Variants in EVC observed in about 807,000 individuals in gnomAD.
The protein encoded by EVC is evC complex member EVC.
EVC carries 116 observed loss-of-function variants against 118.9 expected under a neutral mutation model. The observed-to-expected ratio is 0.98, with a 90% CI of 0.84 to 1.14. The LOEUF is 1.14. Among genes scored for constraint, EVC ranks in the 50% most tolerant of loss-of-function variants. The probability of loss-of-function intolerance (pLI) is 0.00; values close to 1 mark genes in which losing one functional copy is unlikely to be tolerated. For missense variants in EVC, 1,401 were observed against 1,246.4 expected (o/e 1.12, Z -1.87); for synonymous variants, 619 against 534.7 (o/e 1.16, Z -2.18).
the EVC span, chr4:5,825,434 G>A: frequency 6.7e-7 from 1 of 1,502,638 alleles, no homozygotes; most frequent in African/African-American, 1.4e-5. This position sits in a 1 kb window ranked among gnomAD's most constrained non-coding sequence, Gnocchi z 4.4. Flanking sequence ...AGAAGCAGCA[G>A]GAAGGACTCG....
chr4:5,819,116 T>C (rs147183155), downstream of EVC, among the ~76,000 whole-genome samples: 255 of 152,296 alleles, frequency 1.7e-3, 3 homozygotes, highest in African/African-American at 5.7e-3. Context: ...GAACCTTCAG[T>C]CCTACCTTAT....
chr4:5,770,920 G>A (rs1205598179), intron 11 of EVC, among the ~76,000 whole-genome samples: 1 of 151,966 alleles, frequency 6.6e-6, no homozygotes, highest in Non-Finnish European at 1.5e-5. Context: ...GGCTGAGGCA[G>A]GAGAATTGTT....
At chr4:5,712,246 A>G (rs1265036276) in intron 1 of EVC, among the ~76,000 whole-genome samples, 1 of 152,208 alleles carries the variant, frequency 6.6e-6, no homozygotes, top group Non-Finnish European at 1.5e-5. Flanking sequence ...CTCTCCCTAA[A>G]TGATCTCAAT....
At position 5,733,393 on chromosome 4, in the gene EVC, C is replaced by G. The variant is rs200294295; in HGVS notation, c.660C>G (p.Asp220Glu). The change falls in exon 5 of 21, where the codon GAC (aspartate) becomes GAG (glutamate). Residue 220 changes from aspartate to glutamate, a missense_variant. Physicochemically the swap from Asp to Glu is conservative, Grantham distance 45. Transcript: ENST00000264956. ...GTATCTACAGCCTTCACTTAAAAGA[C>G]CTGCTGCATTTGGACACGGCACTGA... ...DLCIYSLHLK[D>E]LLHLDTALRQ... The G allele has an allele frequency of 6.2e-7, 1 of 1,614,066 alleles. No individual in the cohort carries two copies. The highest frequency in any genetic ancestry group is 8.5e-7 in the Non-Finnish European group (1 of 1,179,972).
intron 2 of EVC, among the ~76,000 whole-genome samples, chr4:5,726,234 C>A (rs1406855669): frequency 1.3e-5 from 2 of 152,218 alleles, no homozygotes; most frequent in African/African-American, 4.8e-5. Context: ...GACACAGATG[C>A]AGTTTTCTTC....
Position 5,733,423 on chromosome 4 carries a change from G to A in EVC, c.690G>A (p.Gln230=), listed in dbSNP as rs563481672. 3.4e-5 allele frequency: 55 copies of A among 1,613,994 alleles called. No individual in the cohort carries two copies. The South Asian group carries it at 5.9e-4, about 17-fold the overall frequency. The change falls in exon 5 of 21, where the codon CAG becomes CAA. Residue 230 remains glutamine, a synonymous_variant. Transcript: ENST00000264956. ...TGCATTTGGACACGGCACTGAGGCA[G>A]GAAAAGCATATGGTAGGTGGAGATG... ...DLLHLDTALR[Q]EKHMMFIQIF...
chr4:5,725,752 C>A (rs768083350), intron 2 of EVC, among the ~76,000 whole-genome samples: 2 of 152,106 alleles, frequency 1.3e-5, no homozygotes, highest in African/African-American at 2.4e-5. Context: ...GCTTTTGTTG[C>A]GGTTGTTTTT....
intron 11 of EVC, among the ~76,000 whole-genome samples, chr4:5,773,327 G>C (rs1397777110): frequency 6.6e-6 from 1 of 152,080 alleles, no homozygotes; most frequent in Non-Finnish European, 1.5e-5. Context: ...GCAGTTAGCT[G>C]ATCTAGGCTG....
At position 5,756,124 on chromosome 4, in the gene EVC, C is replaced by G; in HGVS notation, c.1465-140C>G. The G allele has an allele frequency of 1.4e-6, 1 of 700,578 alleles. No individual in the cohort carries two copies. The highest frequency in any genetic ancestry group is 2.5e-6 in the Non-Finnish European group (1 of 398,274). 43.4% of individuals were successfully genotyped at this position (700,578 alleles called of 1,614,324 possible). ...TGAAAGCCATGTGACAGCCCCATGCCTCAGTTTCCTTGTGTGTAATACAGG... is the reference window on the plus strand; with the variant it reads ...TGAAAGCCATGTGACAGCCCCATGCGTCAGTTTCCTTGTGTGTAATACAGG... On this transcript the variant is annotated intron_variant, in intron 10 of 20. Transcript: ENST00000264956. This position sits in a 1 kb window ranked among gnomAD's most constrained non-coding sequence, Gnocchi z 4.2.
At position 5,742,874 on chromosome 4, in the gene EVC, G is replaced by A. The variant is rs1052132651; in HGVS notation, c.801+1060G>A. ...AAGGGAGAGCCAGTGGTGTTAGACA[G>A]TAGTGTTTTAGTGAATGGTGCCACT... On this transcript the variant is annotated intron_variant, in intron 6 of 20. Coordinates refer to ENST00000264956, the MANE Select transcript of EVC (RefSeq NM_153717.3). This position sits in a 1 kb window ranked among gnomAD's most constrained non-coding sequence, Gnocchi z 5.2. Among the ~76,000 whole-genome samples the A allele has an allele frequency of 6.6e-6, 1 of 152,226 alleles. No individual in the cohort carries two copies. The highest frequency in any genetic ancestry group is 1.5e-5 in the Non-Finnish European group (1 of 68,052).
intron 1 of EVC, among the ~76,000 whole-genome samples, chr4:5,718,148 TTATGTTC>T (rs1430172883): frequency 6.6e-6 from 1 of 152,208 alleles, no homozygotes; most frequent in Non-Finnish European, 1.5e-5. Flanking sequence ...TTCATGGTAG[TTATGTTC>T]TGTAAACTCA....
At chr4:5,736,329 A>G (rs866313730) in intron 5 of EVC, among the ~76,000 whole-genome samples, 11 of 152,174 alleles carry the variant, frequency 7.2e-5, no homozygotes, top group Admixed American at 2.6e-4. Context: ...GTGCATAAAG[A>G]TGGGTGAAAA....
Position 5,753,847 on chromosome 4 carries a change from G to C in EVC, c.1378G>C (p.Ala460Pro). The stretch of plus-strand genomic sequence containing the variant: ...TCTGGCTCACCAGGTGGAGGGAACG[G>C]CAAAACTCACGCTGGCCCAAGAGGA... ...ASLAHQVEGT[A>P]KLTLAQEEEQ... Residue 460 changes from alanine (A) to proline (P), a missense_variant, in exon 10 of 21, where the codon GCA becomes CCA. Coordinates refer to ENST00000264956, the MANE Select transcript of EVC (RefSeq NM_153717.3). 1 of 1,614,064 alleles carries C rather than the reference G, an allele frequency of 6.2e-7. No individual in the cohort carries two copies.
chr4:5,825,323 T>C, the EVC span: 1 of 985,062 alleles, frequency 1.0e-6, no homozygotes, highest in Non-Finnish European at 1.2e-6. This position sits in a 1 kb window ranked among gnomAD's most constrained non-coding sequence, Gnocchi z 4.4. Context: ...TTGGTGACCA[T>C]GCCAGCCCAC....
At position 5,742,832 on chromosome 4, in the gene EVC, C is replaced by T. The variant is rs115384273; in HGVS notation, c.801+1018C>T. Among the ~76,000 whole-genome samples the T allele has an allele frequency of 0.022, 3,318 of 152,264 alleles. 62 individuals are homozygous for T. Among genetic ancestry groups the T allele is most frequent in the Non-Finnish European group, 0.035 (2,375 of 68,028 alleles). On this transcript the variant is annotated intron_variant, in intron 6 of 20. Transcript: ENST00000264956. The surrounding 1 kb of genome is among the most constrained non-coding windows in gnomAD (Gnocchi z 5.2). Reference sequence around the variant, plus strand: ...TTTAGCCTGGGAGGGTACTTGGCTTCACCTAGGAAGGAATTCAAGGGAGAG... The same window carrying T: ...TTTAGCCTGGGAGGGTACTTGGCTTTACCTAGGAAGGAATTCAAGGGAGAG...
At chr4:5,775,499 C>T (rs1484498047) in intron 11 of EVC, among the ~76,000 whole-genome samples, 1 of 152,128 alleles carries the variant, frequency 6.6e-6, no homozygotes, top group Non-Finnish European at 1.5e-5. Flanking sequence ...TGTTGTGCAG[C>T]TTTGGCAGTT....
chr4:5,720,863 A>G (rs1434434561), intron 2 of EVC, among the ~76,000 whole-genome samples: 6 of 145,404 alleles, frequency 4.1e-5, no homozygotes, highest in Non-Finnish European at 9.1e-5. Flanking sequence ...GTAAGACATT[A>G]CTAGGCAGGA....
chr4:5,792,128 C>T (rs183831184), intron 12 of EVC, among the ~76,000 whole-genome samples: 14 of 152,164 alleles, frequency 9.2e-5, no homozygotes. Flanking sequence ...GGGAAGAATG[C>T]ACATTTCATA....
At chr4:5,734,973 C>T (rs889134205) in intron 5 of EVC, among the ~76,000 whole-genome samples, 1 of 152,150 alleles carries the variant, frequency 6.6e-6, no homozygotes, top group Non-Finnish European at 1.5e-5. Context: ...AGTTGGCAAG[C>T]AGAGTAGTCC....
Sources: gnomAD v4.1 joint callset for allele counts (sites outside exome capture counted in the v4.1 genomes callset) on GRCh38, gnomAD v4.1.1 for gene constraint, Gnocchi (gnomAD v3.1) non-coding constraint, MANE v1.5 for transcripts, NCBI Gene and HGNC (gene_info 2026-07-23, HGNC 2026-07-21) for gene names.